CBFA2T2: variants seen among roughly 807,000 people sequenced by gnomAD.
CBFA2T2 encodes the protein protein CBFA2T2.
In CBFA2T2, 11 loss-of-function variants were observed where a neutral mutation model predicts 62.2. The observed-to-expected ratio is 0.18, with a 90% CI of 0.11 to 0.29. The LOEUF is 0.29. CBFA2T2 is among the 10% of genes least tolerant of loss of function. CBFA2T2 has a pLI of 1.00. For synonymous variants in CBFA2T2, 295 were observed against 287.5 expected (o/e 1.03, Z -0.27); for missense variants, 592 against 774.1 (o/e 0.76, Z 2.79).
chr20:33,537,265 A>C (rs944504180), intron 1 of CBFA2T2, among the ~76,000 whole-genome samples: 11 of 152,220 alleles, frequency 7.2e-5, no homozygotes, highest in African/African-American at 2.7e-4. Context: ...CTGGCGGATC[A>C]CTCGCGGTTA....
intron 6 of CBFA2T2, among the ~76,000 whole-genome samples, chr20:33,626,648 C>T (rs1273234771): frequency 6.6e-6 from 1 of 152,198 alleles, no homozygotes; most frequent in African/African-American, 2.4e-5. Context: ...CTATCAGCTT[C>T]CAGGGTTTCC....
chr20:33,613,288 G>C (rs1477574346), intron 3 of CBFA2T2, among the ~76,000 whole-genome samples: 1 of 152,132 alleles, frequency 6.6e-6, no homozygotes, highest in Non-Finnish European at 1.5e-5. Context: ...TGTAATTTGG[G>C]GCAGTTTTGG....
intron 1 of CBFA2T2, among the ~76,000 whole-genome samples, chr20:33,598,872 C>T (rs979514540): frequency 6.6e-6 from 1 of 152,226 alleles, no homozygotes. Flanking sequence ...CCGGTCCCTC[C>T]GTTTGGGGTC....
intron 1 of CBFA2T2, among the ~76,000 whole-genome samples, chr20:33,535,775 T>C (rs1162833014): frequency 1.3e-5 from 2 of 151,522 alleles, no homozygotes; most frequent in Non-Finnish European, 3.0e-5. Context: ...GATAAACAAG[T>C]GAACAAAGGT....
chr20:33,499,778 G>A (rs1453488267), intron 1 of CBFA2T2, among the ~76,000 whole-genome samples: 1 of 151,972 alleles, frequency 6.6e-6, no homozygotes, highest in Non-Finnish European at 1.5e-5. Flanking sequence ...CTGTTTTACT[G>A]ATAAGGAAAT....
chr20:33,607,017 C>T lies in CBFA2T2; in HGVS notation c.96C>T (p.Ser32=). The change falls in exon 2 of 11, where the codon TCC becomes TCT. Residue 32 remains serine (S), a synonymous_variant. Coordinates refer to ENST00000342704, the MANE Select transcript of CBFA2T2 (RefSeq NM_001032999.3). ...CGCCTGTGGAAGTGAAGATACAGTC[C>T]AGATCCTCACCTCCCACCATGCCAC... The part of the protein sequence containing the change: ...PGSPVEVKIQ[S]RSSPPTMPPL... The T allele has an allele frequency of 6.2e-7, 1 of 1,613,862 alleles. No individual in the cohort carries two copies. The highest frequency in any genetic ancestry group is 8.5e-7 in the Non-Finnish European group (1 of 1,179,870).
At chr20:33,515,674 A>G (rs974694400) in intron 1 of CBFA2T2, among the ~76,000 whole-genome samples, 1 of 151,014 alleles carries the variant, frequency 6.6e-6, no homozygotes, top group Non-Finnish European at 1.5e-5. Context: ...GGTGGCGTAT[A>G]CCTGTAATCC....
chr20:33,523,453 C>G (rs940358573), intron 1 of CBFA2T2, among the ~76,000 whole-genome samples: 5 of 151,578 alleles, frequency 3.3e-5, no homozygotes, highest in Non-Finnish European at 5.9e-5. Context: ...CAGAGTCTAT[C>G]TTAATTAAAT....
intron 1 of CBFA2T2, among the ~76,000 whole-genome samples, chr20:33,545,368 A>G (rs34475181): frequency 3.8e-4 from 58 of 152,332 alleles, no homozygotes; most frequent in Non-Finnish European, 7.1e-4. Context: ...ATAAAATGCA[A>G]GTTATTAGTG....
intron 1 of CBFA2T2, among the ~76,000 whole-genome samples, chr20:33,581,047 C>T (rs2014089607): frequency 6.6e-6 from 1 of 151,468 alleles, no homozygotes; most frequent in Non-Finnish European, 1.5e-5. Flanking sequence ...CCATCCATCC[C>T]GTCCCTCCTT....
chr20:33,511,902 G>T (rs1364624472), intron 1 of CBFA2T2, among the ~76,000 whole-genome samples: 1 of 151,990 alleles, frequency 6.6e-6, no homozygotes, highest in Non-Finnish European at 1.5e-5. Context: ...AGAAGGCTGG[G>T]CACAGTGGCT....
At position 33,521,649 on chromosome 20, in the gene CBFA2T2, C is replaced by T. The variant is rs147480769; in HGVS notation, c.34+31348C>T. Among the ~76,000 whole-genome samples, 111 of 152,238 alleles carry T rather than the reference C, an allele frequency of 7.3e-4. 1 individual carries two copies. Among genetic ancestry groups the T allele is most frequent in the African/African-American group, 2.6e-3 (106 of 41,522 alleles). On this transcript the variant is annotated intron_variant, in intron 1 of 10. Transcript: ENST00000342704. ...ATCTGTGGGAGCAGGTGGACAGATT[C>T]TGTGTCATCAGGAAAATACAGCTGG...
intron 8 of CBFA2T2, among the ~76,000 whole-genome samples, chr20:33,630,116 G>T (rs577812748): frequency 3.9e-5 from 6 of 151,930 alleles, no homozygotes; most frequent in South Asian, 2.1e-4. Flanking sequence ...CAGGAAGGGG[G>T]TTTTTTTGTT....
intron 1 of CBFA2T2, among the ~76,000 whole-genome samples, chr20:33,580,771 C>G (rs1030610312): frequency 3.3e-5 from 5 of 152,112 alleles, no homozygotes; most frequent in African/African-American, 1.2e-4. Context: ...GAGAATCACC[C>G]TGAGCCCAAG....
intron 1 of CBFA2T2, among the ~76,000 whole-genome samples, chr20:33,502,564 C>T (rs1261144449): frequency 6.6e-6 from 1 of 151,546 alleles, no homozygotes; most frequent in Non-Finnish European, 1.5e-5. Flanking sequence ...CCAACACACC[C>T]GGCTAATTTT....
chr20:33,588,736 C>A (rs1408624777), intron 1 of CBFA2T2, among the ~76,000 whole-genome samples: 1 of 152,070 alleles, frequency 6.6e-6, no homozygotes, highest in African/African-American at 2.4e-5. Flanking sequence ...CACTTGAGGT[C>A]AAGAGTTCGA....
At chr20:33,539,847 T>C (rs906988593) in intron 1 of CBFA2T2, among the ~76,000 whole-genome samples, 2 of 151,978 alleles carry the variant, frequency 1.3e-5, no homozygotes, top group African/African-American at 4.8e-5. Flanking sequence ...CCACCATGCC[T>C]GGATAATTTT....
At chr20:33,621,861 C>G (rs1938559346) in intron 4 of CBFA2T2, among the ~76,000 whole-genome samples, 1 of 152,172 alleles carries the variant, frequency 6.6e-6, no homozygotes, top group Non-Finnish European at 1.5e-5. Context: ...CTCGGCTGCT[C>G]TGAGCAGCCT....
At chr20:33,619,452 AGT>A in intron 3 of CBFA2T2, 63 bp from the exon 4 acceptor site, 1 of 728,358 alleles carries the variant, frequency 1.4e-6, no homozygotes, top group South Asian at 2.4e-5. Flanking sequence ...AAAAAAGAAG[AGT>A]TTGGCACTAT....
Sources: allele counts gnomAD v4.1 joint callset (sites outside exome capture counted in the v4.1 genomes callset), GRCh38; gene constraint gnomAD v4.1.1; transcripts MANE v1.5; gene names NCBI Gene and HGNC (gene_info 2026-07-23, HGNC 2026-07-21).